Variants in CPED1 observed in about 807,000 individuals in gnomAD.
CPED1 encodes the protein cadherin-like and PC-esterase domain-containing protein 1.
In CPED1, 114 loss-of-function variants were observed where a neutral mutation model predicts 128.2. That is an observed-to-expected ratio of 0.89 (90% CI 0.76 to 1.04). The LOEUF is 1.04. Among genes scored for constraint, CPED1 ranks in the 50% least tolerant of loss-of-function variants. CPED1 has a pLI of 0.00. For missense variants in CPED1, 1,211 were observed against 1,207.1 expected (o/e 1.00, Z -0.05); for synonymous variants, 462 against 426.7 (o/e 1.08, Z -1.02).
At chr7:121,056,388 C>G (rs938146229) in intron 4 of CPED1, among the ~76,000 whole-genome samples, 3 of 152,102 alleles carry the variant, frequency 2.0e-5, no homozygotes, top group Non-Finnish European at 2.9e-5. Flanking sequence ...AAACAACAAA[C>G]ATTCATAGTT....
chr7:121,120,988 CA>C (rs1216157705), intron 7 of CPED1, among the ~76,000 whole-genome samples: 4 of 120,986 alleles, frequency 3.3e-5, no homozygotes, highest in African/African-American at 1.3e-4. Flanking sequence ...AAAAAAAAAA[CA>C]AAAAAACTCA....
intron 7 of CPED1, among the ~76,000 whole-genome samples, chr7:121,112,713 G>A (rs959641901): frequency 6.6e-6 from 1 of 152,156 alleles, no homozygotes; most frequent in Non-Finnish European, 1.5e-5. Context: ...AACATCACAT[G>A]AATAAGCCAA....
chr7:121,212,361 T>C (rs2116597723), intron 16 of CPED1, among the ~76,000 whole-genome samples: 1 of 152,140 alleles, frequency 6.6e-6, no homozygotes, highest in Non-Finnish European at 1.5e-5. Context: ...AGACAAAGGA[T>C]GCCCACTGCT....
intron 7 of CPED1, among the ~76,000 whole-genome samples, chr7:121,115,046 C>T (rs759576927): frequency 6.6e-6 from 1 of 152,120 alleles, no homozygotes; most frequent in Non-Finnish European, 1.5e-5. Context: ...ATGTTGGGGA[C>T]TTCTGTTCTT....
chr7:121,160,402 G>A (rs1481038148), intron 16 of CPED1, among the ~76,000 whole-genome samples: 2 of 152,146 alleles, frequency 1.3e-5, no homozygotes, highest in Non-Finnish European at 2.9e-5. Context: ...AGAGCGAGAA[G>A]AGGTGAACTT....
chr7:121,125,587 T>A lies in CPED1; in HGVS notation c.1062-233T>A, dbSNP rs534960592. Reference sequence around the variant, plus strand: ...TTGGTTTTCTGTTCCTGGGTTAGTTTGCTGAGAATGATGGTTTCCAGCTTC... The same window carrying A: ...TTGGTTTTCTGTTCCTGGGTTAGTTAGCTGAGAATGATGGTTTCCAGCTTC... On this transcript the variant is annotated intron_variant, in intron 8 of 22. Transcript: ENST00000310396. Among the ~76,000 whole-genome samples the A allele has an allele frequency of 2.0e-5, 3 of 152,310 alleles. No individual in the cohort carries two copies. In the South Asian group the frequency reaches 6.2e-4, roughly 32 times the overall value.
At chr7:121,160,218 C>T (rs1479063380) in intron 16 of CPED1, among the ~76,000 whole-genome samples, 1 of 151,972 alleles carries the variant, frequency 6.6e-6, no homozygotes, top group Non-Finnish European at 1.5e-5. Context: ...CATTACATCA[C>T]TATTACATTA....
chr7:121,021,971 G>A (rs1792452387), intron 3 of CPED1, among the ~76,000 whole-genome samples: 1 of 151,786 alleles, frequency 6.6e-6, no homozygotes, highest in Admixed American at 6.6e-5. Context: ...CGACTTATAT[G>A]TTCTCATTAG....
chr7:121,033,061 G>T (rs1792778278), intron 3 of CPED1, among the ~76,000 whole-genome samples: 1 of 152,112 alleles, frequency 6.6e-6, no homozygotes, highest in Non-Finnish European at 1.5e-5. Context: ...ATATTTCAGG[G>T]CTCAAGATGT....
At chr7:121,225,618 T>A (rs1322317510) in intron 16 of CPED1, among the ~76,000 whole-genome samples, 1 of 152,190 alleles carries the variant, frequency 6.6e-6, no homozygotes, top group Non-Finnish European at 1.5e-5. Flanking sequence ...GGTACACCAA[T>A]CAAACATAGA....
chr7:121,274,913 T>C (rs1453561794), intron 22 of CPED1, among the ~76,000 whole-genome samples: 2 of 152,104 alleles, frequency 1.3e-5, no homozygotes, highest in Non-Finnish European at 2.9e-5. Context: ...GGGCAAAAAT[T>C]CTGCTGATAA....
chr7:121,251,011 A>C (rs1189716491), intron 18 of CPED1, among the ~76,000 whole-genome samples: 1 of 152,200 alleles, frequency 6.6e-6, no homozygotes, highest in Non-Finnish European at 1.5e-5. Flanking sequence ...AGACACAACA[A>C]AAAAAGAGAA....
At chr7:121,109,367 C>T (rs1037406385) in intron 7 of CPED1, among the ~76,000 whole-genome samples, 2 of 152,116 alleles carry the variant, frequency 1.3e-5, no homozygotes, top group Non-Finnish European at 2.9e-5. Context: ...TTCTTTGTCT[C>T]AAAACAATTT....
At chr7:121,153,320 C>T (rs922092540) in intron 16 of CPED1, among the ~76,000 whole-genome samples, 1 of 152,142 alleles carries the variant, frequency 6.6e-6, no homozygotes, top group Admixed American at 6.5e-5. Flanking sequence ...ATGATTTCAA[C>T]CAAAACTGCT....
intron 18 of CPED1, among the ~76,000 whole-genome samples, chr7:121,254,439 C>A (rs1462268261): frequency 6.6e-6 from 1 of 151,904 alleles, no homozygotes; most frequent in Admixed American, 6.6e-5. Context: ...TAGCACTAAC[C>A]ACCTTCCTCA....
chr7:121,074,507 G>A (rs369968925), intron 5 of CPED1, among the ~76,000 whole-genome samples: 2 of 18,096 alleles, frequency 1.1e-4, no homozygotes, highest in African/African-American at 3.4e-4. Flanking sequence ...AATTTCCTTT[G>A]TGTTTTTTTT....
intron 5 of CPED1, 100 bp downstream of exon 5, chr7:121,064,413 T>A (rs1323899006): frequency 9.0e-6 from 7 of 777,570 alleles, no homozygotes; most frequent in African/African-American, 8.6e-5. Flanking sequence ...CTGTTGCTAC[T>A]TTGTCTATCA....
chr7:121,187,494 A>T (rs1353504438), intron 16 of CPED1, among the ~76,000 whole-genome samples: 26 of 152,122 alleles, frequency 1.7e-4, no homozygotes, highest in Non-Finnish European at 4.4e-5. Flanking sequence ...ATGGGGATAG[A>T]TCACATGTGC....
chr7:121,276,581 G>A (rs1248169431), intron 22 of CPED1, among the ~76,000 whole-genome samples: 1 of 152,066 alleles, frequency 6.6e-6, no homozygotes, highest in Non-Finnish European at 1.5e-5. Context: ...TCAGATATAT[G>A]AATAAGATAT....
Sources: gnomAD v4.1 joint callset for allele counts (sites outside exome capture counted in the v4.1 genomes callset) on GRCh38, gnomAD v4.1.1 for gene constraint, MANE v1.5 for transcripts, NCBI Gene and HGNC (gene_info 2026-07-23, HGNC 2026-07-21) for gene names.